STS: variants seen among roughly 807,000 people sequenced by gnomAD.
STS encodes steroid sulfatase.
In STS, 7 loss-of-function variants were observed where a neutral mutation model predicts 26.8. The ratio of observed to expected loss-of-function variants is 0.26; its 90% confidence interval spans 0.15 to 0.49. The LOEUF (loss-of-function observed/expected upper bound fraction) is 0.49, where lower values mean the gene tolerates loss of function less well. STS is among the 20% of genes least tolerant of loss of function. The pLI is 0.98. For synonymous variants in STS, 199 were observed against 189.4 expected, an observed-to-expected ratio of 1.05 and a Z score of -0.42; for missense variants, 434 against 465.6, an observed-to-expected ratio of 0.93 and a Z score of 0.63.
At chrX:7,154,083 A>G (rs761511809) in intron 1 of STS, among the ~76,000 whole-genome samples, 1 of 111,007 alleles carries the variant, frequency 9.0e-6, no homozygotes, top group South Asian at 3.8e-4. Flanking sequence ...CCCATAATGG[A>G]TACAAATGGG....
chrX:7,257,674 GGA>G, intron 5 of STS, 86 bp downstream of exon 5: 1 of 1,119,142 alleles, frequency 8.9e-7, no homozygotes, highest in Non-Finnish European at 1.2e-6. Flanking sequence ...GAGTGGGAGA[GGA>G]CATCATGACA....
Position 7,214,232 on chromosome X carries a change from C to T in STS, c.-5+23224C>T, listed in dbSNP as rs1921145434. Among the ~76,000 whole-genome samples, 4 of 112,387 alleles carry T rather than the reference C, an allele frequency of 3.6e-5. No individual in the cohort carries two copies. The Admixed American group carries it at 3.8e-4, about 11-fold the overall frequency. ...CATGTTCCCTTTTTCTGCTGAGTCA[C>T]ATTATTTTTTGACTGATTGCGGAGG... is the stretch of plus-strand genomic sequence containing the variant. On this transcript the variant is annotated intron_variant, in intron 2 of 10. Transcript: ENST00000674429.
At position 7,206,737 on chromosome X, in the gene STS, G is replaced by A. The variant is rs750550935; in HGVS notation, c.-5+15729G>A. On this transcript the variant is annotated intron_variant, in intron 2 of 10. Coordinates refer to ENST00000674429, the MANE Select transcript of STS (RefSeq NM_001320752.2). ...AAAATTTAAATCTTAATTTAAGGAA[G>A]TACTAACCTGAAAGCTATGCTGAAG... Among the ~76,000 whole-genome samples, 12 of 112,116 alleles carry A rather than the reference G, an allele frequency of 1.1e-4. No homozygotes were observed. In the Admixed American group the frequency reaches 1.1e-3, roughly 11 times the overall value.
chrX:7,279,816 A>G (rs1227478590), intron 7 of STS, among the ~76,000 whole-genome samples: 1 of 110,731 alleles, frequency 9.0e-6, no homozygotes, highest in Non-Finnish European at 1.9e-5. Context: ...TCAAAATGCA[A>G]TCTTTGGGGA....
At chrX:7,170,238 A>G (rs1436323672) in intron 1 of STS, among the ~76,000 whole-genome samples, 1 of 110,186 alleles carries the variant, frequency 9.1e-6, no homozygotes, top group Non-Finnish European at 1.9e-5. Flanking sequence ...TTAAAAATAT[A>G]TACAGGCAGG....
chrX:7,234,941 G>T (rs1441558223), intron 2 of STS, among the ~76,000 whole-genome samples: 1 of 111,418 alleles, frequency 9.0e-6, no homozygotes, highest in Non-Finnish European at 1.9e-5. Flanking sequence ...CCACCATCAT[G>T]AACCATTTGT....
intron 9 of STS, among the ~76,000 whole-genome samples, chrX:7,332,744 C>A (rs1182969621): frequency 6.3e-5 from 7 of 111,393 alleles, no homozygotes; most frequent in Non-Finnish European, 1.3e-4. Context: ...ACTGCCATTT[C>A]GGGATGGAAA....
intron 2 of STS, among the ~76,000 whole-genome samples, chrX:7,247,609 A>G (rs1429516991): frequency 9.0e-6 from 1 of 111,648 alleles, no homozygotes; most frequent in Non-Finnish European, 1.9e-5. Flanking sequence ...CTGGATGTCT[A>G]CTCTCTCACA....
rs183939482 is a variant in STS, at chrX:7,255,433, T to A, written c.138-1809T>A. Reference sequence around the variant, plus strand: ...CTGTTTCTTTAATATTATGTATTCCTAAGATATATTGAGATAGTAGATAAC... The same window carrying A: ...CTGTTTCTTTAATATTATGTATTCCAAAGATATATTGAGATAGTAGATAAC... On this transcript the variant is annotated intron_variant, in intron 3 of 10. Coordinates refer to ENST00000674429, the MANE Select transcript of STS (RefSeq NM_001320752.2). Among the ~76,000 whole-genome samples the A allele has an allele frequency of 4.5e-5, 5 of 111,954 alleles. No individual in the cohort carries two copies. The East Asian group carries it at 1.4e-3, about 31-fold the overall frequency.
At position 7,200,016 on chromosome X, in the gene STS, A is replaced by G. The variant is rs182314120; in HGVS notation, c.-5+9008A>G. Among the ~76,000 whole-genome samples, 507 of 108,404 alleles carry G rather than the reference A, an allele frequency of 4.7e-3. 2 individuals are homozygous for G. The highest frequency in any genetic ancestry group is 7.3e-3 in the Non-Finnish European group (380 of 52,283). 94.1% of individuals were successfully genotyped at this position (108,404 alleles called of 115,157 possible). A position where few individuals can be genotyped will look rare whatever the true frequency, so the allele number is the denominator to read the frequency against. Reference sequence around the variant, plus strand: ...TCAAACTCATTTTGATTTCCTACCTACAAACCACACATTTGAAGTATTAGA... The same window carrying G: ...TCAAACTCATTTTGATTTCCTACCTGCAAACCACACATTTGAAGTATTAGA... On this transcript the variant is annotated intron_variant, in intron 2 of 10. Coordinates refer to ENST00000674429, the MANE Select transcript of STS (RefSeq NM_001320752.2).
intron 2 of STS, among the ~76,000 whole-genome samples, chrX:7,248,038 A>T (rs1922969704): frequency 8.9e-6 from 1 of 112,043 alleles, no homozygotes; most frequent in Non-Finnish European, 1.9e-5. Context: ...TAAATACCTA[A>T]TGGGAAGGCA....
intron 2 of STS, among the ~76,000 whole-genome samples, chrX:7,203,387 AAGGGACAGCTGCAC>A (rs1934110479): frequency 8.9e-6 from 1 of 112,154 alleles, no homozygotes; most frequent in Admixed American, 9.5e-5. Context: ...ATTATGTGAC[AAGGGACAGCTGCAC>A]AGGGATCAGA....
chrX:7,343,505 C>T (rs888759896), intron 10 of STS, among the ~76,000 whole-genome samples: 2 of 112,085 alleles, frequency 1.8e-5, no homozygotes, highest in Non-Finnish European at 3.8e-5. Flanking sequence ...AATTTTTAAT[C>T]CTCAAAGCAA....
chrX:7,344,815 A>G (rs751651335), intron 10 of STS, among the ~76,000 whole-genome samples: 9 of 111,509 alleles, frequency 8.1e-5, no homozygotes, highest in Non-Finnish European at 1.5e-4. Context: ...CTGAGTGTCT[A>G]TCATGCGCGC....
chrX:7,322,853 G>T (rs1238841029), intron 8 of STS, among the ~76,000 whole-genome samples: 1 of 111,963 alleles, frequency 8.9e-6, no homozygotes, highest in Non-Finnish European at 1.9e-5. Context: ...CATCTTCTGA[G>T]ATTATCTGCT....
At chrX:7,323,808 C>A (rs1398285704) in intron 8 of STS, among the ~76,000 whole-genome samples, 2 of 111,491 alleles carry the variant, frequency 1.8e-5, no homozygotes, top group African/African-American at 6.5e-5. Flanking sequence ...GAATCTTATT[C>A]CTTGCCTTAT....
chrX:7,197,169 T>A (rs1162797104), intron 2 of STS, among the ~76,000 whole-genome samples: 2 of 112,003 alleles, frequency 1.8e-5, no homozygotes, highest in African/African-American at 3.2e-5. Context: ...TTTGGCTAAG[T>A]AATGACCACT....
At chrX:7,266,452 A>T (rs1924012423) in intron 6 of STS, among the ~76,000 whole-genome samples, 1 of 111,999 alleles carries the variant, frequency 8.9e-6, no homozygotes, top group Non-Finnish European at 1.9e-5. Context: ...TTCCAAGCAC[A>T]TATTTTCAAG....
intron 7 of STS, among the ~76,000 whole-genome samples, chrX:7,300,528 A>T (rs1925914396): frequency 8.9e-6 from 1 of 112,111 alleles, no homozygotes; most frequent in Non-Finnish European, 1.9e-5. Context: ...GTTATAAAAA[A>T]TTAAATGTCG....
Sources: allele counts gnomAD v4.1 joint callset (sites outside exome capture counted in the v4.1 genomes callset), GRCh38; gene constraint gnomAD v4.1.1; transcripts MANE v1.5; gene names NCBI Gene and HGNC (gene_info 2026-07-23, HGNC 2026-07-21).